Variants in TMEM232 observed in about 807,000 individuals in gnomAD.
TMEM232 encodes the protein transmembrane protein 232.
Under a neutral mutation model 78.8 loss-of-function variants are expected in TMEM232, and 80 were observed. The ratio of observed to expected loss-of-function variants is 1.01; its 90% CI spans 0.85 to 1.22. TMEM232 has a LOEUF of 1.22. TMEM232 is among the 50% of genes most tolerant of loss of function. The pLI, the probability that TMEM232 is intolerant of heterozygous loss-of-function variation, is 0.00. For synonymous variants in TMEM232, 297 were observed against 254.3 expected (o/e 1.17, Z -1.60); for missense variants, 881 against 742.2 (o/e 1.19, Z -2.17).
chr5:110,613,607 C>G (rs1189046767), intron 8 of TMEM232, among the ~76,000 whole-genome samples: 1 of 152,082 alleles, frequency 6.6e-6, no homozygotes, highest in Non-Finnish European at 1.5e-5. Context: ...CTATTTAGTC[C>G]AGCAAATCCT....
At chr5:110,559,298 T>A (rs1456734292) in intron 11 of TMEM232, among the ~76,000 whole-genome samples, 1 of 152,098 alleles carries the variant, frequency 6.6e-6, no homozygotes, top group Non-Finnish European at 1.5e-5. Context: ...AGTTCTTAAA[T>A]AGTATACAAG....
chr5:110,511,269 G>A (rs982775811), intron 12 of TMEM232, among the ~76,000 whole-genome samples: 2 of 151,986 alleles, frequency 1.3e-5, no homozygotes, highest in Non-Finnish European at 2.9e-5. Flanking sequence ...ACAGGGAGGG[G>A]AACACCACAC....
At chr5:110,540,614 C>T (rs943235474) in intron 11 of TMEM232, among the ~76,000 whole-genome samples, 12 of 152,132 alleles carry the variant, frequency 7.9e-5, no homozygotes, top group African/African-American at 1.9e-4. Context: ...GGTTTACAGA[C>T]GGCAGTAGTT....
chr5:110,499,547 C>T (rs574528686), intron 12 of TMEM232, among the ~76,000 whole-genome samples: 7 of 151,872 alleles, frequency 4.6e-5, no homozygotes, highest in Admixed American at 1.3e-4. Context: ...TGAGCCATCA[C>T]GCCTGGCCAA....
At chr5:110,626,018 A>G (rs1443410468) in intron 6 of TMEM232, among the ~76,000 whole-genome samples, 1 of 151,980 alleles carries the variant, frequency 6.6e-6, no homozygotes, top group Non-Finnish European at 1.5e-5. Context: ...CATAATGGAA[A>G]AATTAATAAT....
At chr5:110,716,458 C>A (rs532150415) in intron 1 of TMEM232, among the ~76,000 whole-genome samples, 1 of 152,060 alleles carries the variant, frequency 6.6e-6, no homozygotes, top group South Asian at 2.1e-4. Context: ...CATCTGGTGG[C>A]GATGGGAGAC....
downstream of TMEM232, among the ~76,000 whole-genome samples, chr5:110,416,737 T>C (rs1054002869): frequency 5.3e-5 from 8 of 152,204 alleles, no homozygotes; most frequent in African/African-American, 1.9e-4. Flanking sequence ...TTATAATTGG[T>C]AAACATCACT....
chr5:110,558,865 C>A (rs937840620), intron 11 of TMEM232, among the ~76,000 whole-genome samples: 1 of 152,150 alleles, frequency 6.6e-6, no homozygotes, highest in East Asian at 1.9e-4. Context: ...AGTGGGCTAT[C>A]CCATGCCTGT....
intron 8 of TMEM232, among the ~76,000 whole-genome samples, chr5:110,617,044 GAATA>G (rs1198222793): frequency 6.6e-5 from 10 of 152,298 alleles, no homozygotes; most frequent in African/African-American, 2.2e-4. Context: ...ACTGACTGAT[GAATA>G]AATAAAGTGT....
intron 2 of TMEM232, among the ~76,000 whole-genome samples, chr5:110,651,785 G>A (rs1171878466): frequency 6.6e-6 from 1 of 152,028 alleles, no homozygotes; most frequent in Non-Finnish European, 1.5e-5. Flanking sequence ...AGGGATGGAG[G>A]CAGTGGACAT....
At position 110,674,705 on chromosome 5, in the gene TMEM232, C is replaced by T. The variant is rs146459165; in HGVS notation, c.-12-7341G>A. ...TTAATTGACAAAAAAGAGTCACAGA[C>T]TACACATCAGAGATTTCCAATGAAT... On this transcript the variant is annotated intron_variant, in intron 1 of 13. Transcript: ENST00000455884. Among the ~76,000 whole-genome samples the T allele has an allele frequency of 3.0e-3, 451 of 152,314 alleles. 6 individuals carry two copies. Among genetic ancestry groups the T allele is most frequent in the African/African-American group, 0.01 (425 of 41,570 alleles).
intron 2 of TMEM232, among the ~76,000 whole-genome samples, chr5:110,653,613 T>C (rs1182191260): frequency 6.6e-6 from 1 of 152,170 alleles, no homozygotes; most frequent in Non-Finnish European, 1.5e-5. Context: ...AAGTTAAAAT[T>C]GATCTATCTA....
rs574723382 is a variant in TMEM232, at chr5:110,441,484, G to T, written c.1704-16568C>A. On this transcript the variant is annotated intron_variant, in intron 12 of 13. Coordinates refer to ENST00000455884, the MANE Select transcript of TMEM232 (RefSeq NM_001039763.4). ...TGCGGGGAGACAGATTTCCATGATG[G>T]CACCAATAATCCCTGCCTCCTAGAA... Among the ~76,000 whole-genome samples the T allele has an allele frequency of 5.9e-5, 9 of 152,206 alleles. No homozygotes were observed. The East Asian group carries it at 1.7e-3, about 29-fold the overall frequency.
At chr5:110,675,603 A>G (rs1432240300) in intron 1 of TMEM232, among the ~76,000 whole-genome samples, 1 of 152,150 alleles carries the variant, frequency 6.6e-6, no homozygotes, top group East Asian at 1.9e-4. Context: ...CAGGTAACAG[A>G]CTAGCTCAGC....
intron 1 of TMEM232, among the ~76,000 whole-genome samples, chr5:110,723,167 A>G (rs1797817221): frequency 6.6e-6 from 1 of 152,120 alleles, no homozygotes; most frequent in African/African-American, 2.4e-5. Flanking sequence ...AAGGCTATTA[A>G]TTATTGATTC....
intron 10 of TMEM232, among the ~76,000 whole-genome samples, chr5:110,587,643 G>A (rs1392533508): frequency 7.6e-6 from 1 of 131,564 alleles, no homozygotes; most frequent in Non-Finnish European, 1.6e-5. Flanking sequence ...TTATGATGAT[G>A]GTTTCATGGG....
chr5:110,697,237 C>A (rs1399598592), intron 1 of TMEM232, among the ~76,000 whole-genome samples: 1 of 152,150 alleles, frequency 6.6e-6, no homozygotes, highest in Non-Finnish European at 1.5e-5. Context: ...GGAAAACTGG[C>A]TAGCCACACA....
chr5:110,467,458 C>A (rs1390171631), intron 12 of TMEM232, among the ~76,000 whole-genome samples: 1 of 152,164 alleles, frequency 6.6e-6, no homozygotes, highest in African/African-American at 2.4e-5. Flanking sequence ...CTTTCAAATT[C>A]TAAAGCTTAT....
At chr5:110,629,135 T>C (rs1230874682) in intron 5 of TMEM232, among the ~76,000 whole-genome samples, 1 of 151,868 alleles carries the variant, frequency 6.6e-6, no homozygotes, top group African/African-American at 2.4e-5. Flanking sequence ...ATACTCTAGA[T>C]GACAGAATTA....
Sources: allele counts gnomAD v4.1 joint callset (sites outside exome capture counted in the v4.1 genomes callset), GRCh38; gene constraint gnomAD v4.1.1; transcripts MANE v1.5; gene names NCBI Gene and HGNC (gene_info 2026-07-23, HGNC 2026-07-21).